The following AFF2 variants were observed in gnomAD, a reference collection of about 807,000 sequenced individuals.
AFF2 encodes the protein ALF transcription elongation factor 2, also known as AF4/FMR2 family member 2.
AFF2 carries 14 observed loss-of-function variants against 76.9 expected under a neutral mutation model. The ratio of observed to expected loss-of-function variants is 0.18; its 90% CI spans 0.12 to 0.28. The LOEUF (loss-of-function observed/expected upper bound fraction) is 0.28. Among genes scored for constraint, AFF2 ranks in the 10% least tolerant of loss-of-function variants. The pLI is 1.00. For missense variants in AFF2, 868 were observed against 1,001.1 expected, an observed-to-expected ratio of 0.87 and a Z score of 1.79; for synonymous variants, 398 against 366.7, an observed-to-expected ratio of 1.09 and a Z score of -0.98.
chrX:148,772,079 G>A (rs1039412283), intron 3 of AFF2, among the ~76,000 whole-genome samples: 5 of 111,732 alleles, frequency 4.5e-5, no homozygotes, highest in African/African-American at 1.3e-4. Flanking sequence ...TGATTTAATA[G>A]GTCACATTTC....
At chrX:148,672,470 T>C (rs1557259175) in intron 3 of AFF2, among the ~76,000 whole-genome samples, 1 of 112,023 alleles carries the variant, frequency 8.9e-6, no homozygotes, top group Admixed American at 9.5e-5. Flanking sequence ...ACCCAGGCTT[T>C]TAGTGATACT....
At chrX:148,540,453 C>T (rs1412469004) in intron 1 of AFF2, among the ~76,000 whole-genome samples, 2 of 106,248 alleles carry the variant, frequency 1.9e-5, no homozygotes, top group Non-Finnish European at 3.9e-5. Context: ...AATGGAATCC[C>T]ATTAAAATGC....
At chrX:148,781,677 T>A (rs1444350359) in intron 3 of AFF2, among the ~76,000 whole-genome samples, 1 of 111,913 alleles carries the variant, frequency 8.9e-6, no homozygotes, top group African/African-American at 3.2e-5. Flanking sequence ...CTTGGCTCCC[T>A]GGCTTCAGCC....
At chrX:148,862,443 A>G (rs1295101851) in intron 7 of AFF2, among the ~76,000 whole-genome samples, 1 of 111,481 alleles carries the variant, frequency 9.0e-6, no homozygotes, top group Non-Finnish European at 1.9e-5. Flanking sequence ...TTTTTAAAAA[A>G]TGATGGGAGG....
chrX:148,828,083 C>A (rs962609926), intron 4 of AFF2, among the ~76,000 whole-genome samples: 2 of 110,758 alleles, frequency 1.8e-5, no homozygotes, highest in African/African-American at 6.5e-5. Context: ...TATCTCAAAT[C>A]AGTATATTTT....
At chrX:148,765,539 ATAGATCT>A (rs1279338172) in intron 3 of AFF2, among the ~76,000 whole-genome samples, 1 of 111,719 alleles carries the variant, frequency 9.0e-6, no homozygotes, top group Non-Finnish European at 1.9e-5. Flanking sequence ...CATAAACAAA[ATAGATCT>A]TAGTTGTATA....
chrX:148,941,894 T>C (rs1225705619), intron 9 of AFF2, among the ~76,000 whole-genome samples: 6 of 111,387 alleles, frequency 5.4e-5, no homozygotes, highest in African/African-American at 2.0e-4. Flanking sequence ...CAGGTGACTC[T>C]GTTTGTGCTT....
Position 148,962,894 on chromosome X carries a change from C to G in AFF2, c.2870C>G (p.Thr957Ser). Residue 957 changes from threonine to serine, a missense_variant, in exon 13 of 21, where the codon ACT becomes AGT. Thr to Ser is a moderately conservative substitution (Grantham distance 58). Coordinates refer to ENST00000370460, the MANE Select transcript of AFF2 (RefSeq NM_002025.4). ...ATCACATCTACCAAACCTAAGAGAA[C>G]TGAAGGCAAATTCTGTGCTACTTTC... is the stretch of plus-strand genomic sequence containing the variant. ...GQITSTKPKR[T>S]EGKFCATFKG... The G allele has an allele frequency of 8.3e-7, 1 of 1,206,601 alleles. No homozygotes were observed.
At chrX:148,818,620 C>T (rs1001467139) in intron 4 of AFF2, among the ~76,000 whole-genome samples, 12 of 110,556 alleles carry the variant, frequency 1.1e-4, no homozygotes, top group East Asian at 5.7e-4. Context: ...TTTAATTTTC[C>T]GATCAAGTCT....
chrX:148,936,527 A>G (rs782642972), intron 9 of AFF2, among the ~76,000 whole-genome samples: 2 of 112,805 alleles, frequency 1.8e-5, no homozygotes, highest in South Asian at 7.3e-4. Context: ...GGAAGATTAC[A>G]TTCCCACTGT....
At chrX:148,915,702 A>G (rs1557282482) in intron 9 of AFF2, among the ~76,000 whole-genome samples, 1 of 112,489 alleles carries the variant, frequency 8.9e-6, no homozygotes, top group Non-Finnish European at 1.9e-5. Context: ...AGATGTGTGT[A>G]ACTTCCAACA....
At chrX:148,844,188 C>T (rs1299208902) in intron 7 of AFF2, among the ~76,000 whole-genome samples, 9 of 111,706 alleles carry the variant, frequency 8.1e-5, no homozygotes, top group Non-Finnish European at 1.3e-4. Flanking sequence ...CTAGGATGGA[C>T]GAGGGAATCT....
In AFF2 at chrX:148,998,310, G is replaced by C. The variant is rs1557293640; in HGVS notation, c.*6978G>C. 1 of 111,742 alleles carries C rather than the reference G, an allele frequency of 8.9e-6. No homozygotes were observed. The highest frequency in any genetic ancestry group is 2.8e-4 in the East Asian group (1 of 3,572). The allele number at this position is 111,742 out of a possible 1,213,427, so 9.2% of individuals were successfully genotyped here. A position where few individuals can be genotyped will look rare whatever the true frequency, so the allele number is the denominator to read the frequency against. ...GGCTCTGGCTTTTGCTTTCCTGCTA[G>C]TGTTCTTTCTCTTTCCAAACAAATA... On this transcript the variant is annotated 3_prime_UTR_variant, in exon 21 of 21. Coordinates refer to ENST00000370460, the MANE Select transcript of AFF2 (RefSeq NM_002025.4).
chrX:148,661,498 A>C (rs2054303746), intron 2 of AFF2, among the ~76,000 whole-genome samples: 1 of 112,313 alleles, frequency 8.9e-6, no homozygotes, highest in Non-Finnish European at 1.9e-5. Flanking sequence ...TATGTCAAAA[A>C]TTTATATAGG....
rs186551176 is a variant in AFF2 at position 148,659,039 on chromosome X, A to G, written c.181-2869A>G. Among the ~76,000 whole-genome samples the G allele has an allele frequency of 3.1e-4, 35 of 112,119 alleles. 1 individual carries two copies. The East Asian group carries it at 9.9e-3, about 32-fold the overall frequency. ...GGTTTTATTCAAGGAAAGATATCAT[A>G]AGTGTAGTATACACTGTGTAGTAGA... On this transcript the variant is annotated intron_variant, in intron 2 of 20. Transcript: ENST00000370460.
chrX:148,843,411 A>T lies in AFF2; in HGVS notation c.1240A>T (p.Thr414Ser). 1 of 1,209,991 alleles carries T rather than the reference A, an allele frequency of 8.3e-7. No homozygotes were observed. The highest frequency in any genetic ancestry group is 1.1e-6 in the Non-Finnish European group (1 of 894,423). ...GAATGACCCAACCACCAGAGCTTCT[A>T]CAAAGTCAGTGTCTTTCAAATCGTG... ...KWNDPTTRAS[T>S]KSVSFKSMLE... Residue 414 changes from threonine (T) to serine (S), a missense_variant, in exon 7 of 21, where the codon ACA becomes TCA. By Grantham distance (58) the Thr-to-Ser change is moderately conservative. This residue lies in a region of AFF2 where 532 missense variants were observed against 564.2 expected (regional missense o/e 0.94). Transcript: ENST00000370460.
intron 9 of AFF2, among the ~76,000 whole-genome samples, chrX:148,905,950 A>G (rs1281270370): frequency 1.8e-5 from 2 of 112,723 alleles, no homozygotes; most frequent in East Asian, 5.5e-4. Context: ...AGGAACAGAA[A>G]CTAGAAGAGT....
intron 3 of AFF2, among the ~76,000 whole-genome samples, chrX:148,689,543 G>A (rs781896633): frequency 9.0e-6 from 1 of 110,782 alleles, no homozygotes; most frequent in South Asian, 3.9e-4. Context: ...CCACTCCTGG[G>A]CAATGAGTTT....
chrX:148,844,574 C>G (rs1373644191), intron 7 of AFF2, among the ~76,000 whole-genome samples: 1 of 111,674 alleles, frequency 9.0e-6, no homozygotes, highest in Non-Finnish European at 1.9e-5. Context: ...GTGTAATAGG[C>G]ACATACTTGG....
Sources: gnomAD v4.1 joint callset for allele counts (sites outside exome capture counted in the v4.1 genomes callset) on GRCh38, gnomAD v4.1.1 for gene constraint, gnomAD v4.1.1 regional missense constraint, MANE v1.5 for transcripts, NCBI Gene and HGNC (gene_info 2026-07-23, HGNC 2026-07-21) for gene names.